PRKN: variants seen among roughly 807,000 people sequenced by gnomAD.
PRKN encodes E3 ubiquitin-protein ligase parkin.
PRKN carries 56 observed loss-of-function variants against 59.5 expected under a neutral mutation model. That is an observed-to-expected ratio of 0.94 (90% CI 0.76 to 1.18). PRKN has a LOEUF of 1.18. Ranked by LOEUF, PRKN falls within the 50% of genes most tolerant of loss-of-function variation. The pLI, the probability that PRKN is intolerant of heterozygous loss-of-function variation, is 0.00. For synonymous variants in PRKN, 250 were observed against 222.1 expected (o/e 1.13, Z -1.12); for missense variants, 657 against 596.4 (o/e 1.10, Z -1.06).
intron 9 of PRKN, among the ~76,000 whole-genome samples, chr6:161,517,063 C>T (rs934200919): frequency 4.6e-5 from 7 of 151,972 alleles, no homozygotes; most frequent in Non-Finnish European, 8.8e-5. Context: ...TTTCAACTTA[C>T]GATGGAGTAA....
intron 6 of PRKN, among the ~76,000 whole-genome samples, chr6:161,897,458 C>T (rs1475641713): frequency 6.6e-6 from 1 of 152,124 alleles, no homozygotes; most frequent in African/African-American, 2.4e-5. Flanking sequence ...CTTTTTTAGG[C>T]CCATTTTCCT....
At chr6:161,720,047 T>G (rs899665936) in intron 7 of PRKN, among the ~76,000 whole-genome samples, 1 of 152,172 alleles carries the variant, frequency 6.6e-6, no homozygotes, top group African/African-American at 2.4e-5. Flanking sequence ...CTTCCTGGTC[T>G]TACTAGGATT....
intron 7 of PRKN, among the ~76,000 whole-genome samples, chr6:161,675,346 T>C (rs551722023): frequency 3.6e-4 from 55 of 152,254 alleles, no homozygotes; most frequent in Non-Finnish European, 5.9e-4. Context: ...TGCCCAGTAC[T>C]AGATCCTGGT....
chr6:162,322,574 T>C (rs1006804820), intron 2 of PRKN, among the ~76,000 whole-genome samples: 4 of 152,120 alleles, frequency 2.6e-5, no homozygotes, highest in African/African-American at 9.7e-5. Context: ...CAATGTGGAA[T>C]TGACATCAAG....
At chr6:162,481,559 CATG>C (rs1792312956) in intron 1 of PRKN, among the ~76,000 whole-genome samples, 2 of 152,138 alleles carry the variant, frequency 1.3e-5, no homozygotes, top group Non-Finnish European at 2.9e-5. Flanking sequence ...AATTAACCAG[CATG>C]ATATTTGGCA....
intron 2 of PRKN, among the ~76,000 whole-genome samples, chr6:162,337,852 TATTTTAAGA>T (rs1434177930): frequency 6.6e-6 from 1 of 152,202 alleles, no homozygotes; most frequent in Non-Finnish European, 1.5e-5. Flanking sequence ...GATTATAGGA[TATTTTAAGA>T]AAATGTGAGA....
rs146072476 is a variant in PRKN, at chr6:161,942,487, C to T, written c.734+30815G>A. Among the ~76,000 whole-genome samples the T allele has an allele frequency of 9.3e-4, 141 of 152,128 alleles. 1 individual carries two copies. In the East Asian group the frequency reaches 0.014, roughly 15 times the overall value. On this transcript the variant is annotated intron_variant, in intron 6 of 11. Transcript: ENST00000366898. ...CGGAGGTTGCAGTGAACTGAGATCG[C>T]GCCATTGTATTCCAGCTTGGGCGAC...
chr6:162,573,248 C>G (rs1780423734), intron 1 of PRKN, among the ~76,000 whole-genome samples: 1 of 152,078 alleles, frequency 6.6e-6, no homozygotes, highest in Non-Finnish European at 1.5e-5. Context: ...AAAACTAAGA[C>G]CTCCCAGCCC....
intron 2 of PRKN, among the ~76,000 whole-genome samples, chr6:162,378,283 C>CT (rs1415999987): frequency 6.6e-6 from 1 of 152,180 alleles, no homozygotes; most frequent in Non-Finnish European, 1.5e-5. Flanking sequence ...TTCAAGAATA[C>CT]TTTTTTCTGT....
intron 5 of PRKN, among the ~76,000 whole-genome samples, chr6:162,040,006 G>C (rs1286411822): frequency 6.6e-6 from 1 of 152,132 alleles, no homozygotes; most frequent in African/African-American, 2.4e-5. Flanking sequence ...GCAGCATTTG[G>C]TGGGCACTGC....
chr6:162,701,326 C>T (rs1212130042), intron 1 of PRKN, among the ~76,000 whole-genome samples: 4 of 151,886 alleles, frequency 2.6e-5, no homozygotes, highest in Non-Finnish European at 5.9e-5. Context: ...ATAACTATTG[C>T]ACAAGAAGAT....
At chr6:161,690,664 G>A (rs913966894) in intron 7 of PRKN, among the ~76,000 whole-genome samples, 2 of 152,090 alleles carry the variant, frequency 1.3e-5, no homozygotes, top group African/African-American at 2.4e-5. Context: ...CTAAGGACCC[G>A]AACAGAACAA....
rs894633561 is a variant in PRKN, at chr6:161,548,952, C to T, written c.985G>A (p.Gly329Ser). The change falls in exon 9 of 12, where the codon GGC becomes AGC. Residue 329 changes from glycine (G) to serine (S), a missense_variant. Transcript: ENST00000366898. This position sits in a 1 kb window ranked among gnomAD's most constrained non-coding sequence, Gnocchi z 4.2. Reference protein sequence around the residue: ...GAEECVLQMGGVLCPRPGCGA... With the variant: ...GAEECVLQMGSVLCPRPGCGA... ...CAGCCAGGGCGGGGGCATAACACGCCCCCCATCTGCAGGACACACTCCTCT... is the reference window on the plus strand; with the variant it reads ...CAGCCAGGGCGGGGGCATAACACGCTCCCCATCTGCAGGACACACTCCTCT... 1 of 1,614,122 alleles carries T rather than the reference C, an allele frequency of 6.2e-7. No homozygotes were observed. The highest frequency in any genetic ancestry group is 8.5e-7 in the Non-Finnish European group (1 of 1,180,010).
At chr6:161,408,233 C>A (rs771275076) in intron 9 of PRKN, among the ~76,000 whole-genome samples, 2 of 150,818 alleles carry the variant, frequency 1.3e-5, no homozygotes, top group Non-Finnish European at 2.9e-5. Context: ...AGTCATGGCA[C>A]ACCCTGACAA....
At position 161,928,470 on chromosome 6, in the gene PRKN, A is replaced by G. The variant is rs532911761; in HGVS notation, c.734+44832T>C. Reference sequence around the variant, plus strand: ...AGATTTAATATTTCTTAGCTTCATAAAGTCCTTGGTTTTATTCCACAGGAT... The same window carrying G: ...AGATTTAATATTTCTTAGCTTCATAGAGTCCTTGGTTTTATTCCACAGGAT... On this transcript the variant is annotated intron_variant, in intron 6 of 11. Coordinates refer to ENST00000366898, the MANE Select transcript of PRKN (RefSeq NM_004562.3). Among the ~76,000 whole-genome samples the G allele has an allele frequency of 7.0e-4, 107 of 152,296 alleles. 4 individuals carry two copies. The highest frequency in any genetic ancestry group is 6.8e-3 in the Admixed American group (104 of 15,278).
intron 7 of PRKN, among the ~76,000 whole-genome samples, chr6:161,749,262 A>G (rs946974963): frequency 3.0e-4 from 45 of 152,226 alleles, no homozygotes; most frequent in Non-Finnish European, 7.3e-5. Flanking sequence ...TGTCACATCT[A>G]TCTTTGTAAG....
chr6:161,364,718 G>A (rs1034155925), intron 10 of PRKN, among the ~76,000 whole-genome samples: 4 of 151,948 alleles, frequency 2.6e-5, no homozygotes, highest in East Asian at 1.9e-4. Flanking sequence ...AGGCCAAGGC[G>A]GGTGGATCAT....
At chr6:161,815,628 C>G (rs1791742786) in intron 6 of PRKN, among the ~76,000 whole-genome samples, 1 of 152,194 alleles carries the variant, frequency 6.6e-6, no homozygotes, top group South Asian at 2.1e-4. Flanking sequence ...GGACAAAGGT[C>G]CGTGAGAGAC....
rs1281842827 is a variant in PRKN, at chr6:161,680,769, A to AT, written c.871+105002dup. Among the ~76,000 whole-genome samples, 101 of 13,026 alleles carry AT rather than the reference A, an allele frequency of 7.8e-3. 3 individuals carry two copies. The highest frequency in any genetic ancestry group is 0.059 in the East Asian group (20 of 338). 8.5% of individuals were successfully genotyped at this position (13,026 alleles called of 152,430 possible). A position where few individuals can be genotyped will look rare whatever the true frequency, so the allele number is the denominator to read the frequency against. ...TATATATATATATATATATATATAT[A>AT]TATATATTTTTTTTTTTTTTTCTTT... On this transcript the variant is annotated intron_variant, in intron 7 of 11. Transcript: ENST00000366898.
Sources: allele counts gnomAD v4.1 joint callset (sites outside exome capture counted in the v4.1 genomes callset), GRCh38; gene constraint gnomAD v4.1.1; non-coding constraint Gnocchi (gnomAD v3.1); transcripts MANE v1.5; gene names NCBI Gene and HGNC (gene_info 2026-07-23, HGNC 2026-07-21).